Variants in ZZZ3 observed in about 807,000 individuals in gnomAD.
ZZZ3 encodes zinc finger ZZ-type containing 3, also known as ZZ-type zinc finger-containing protein 3.
In ZZZ3, 22 loss-of-function variants were observed where a neutral mutation model predicts 95.2. That is an observed-to-expected ratio of 0.23 (90% CI 0.17 to 0.33). The LOEUF is 0.33. ZZZ3 is among the 10% of genes least tolerant of loss of function. The probability of loss-of-function intolerance (pLI) is 1.00; values close to 1 mark genes in which losing one functional copy is unlikely to be tolerated. For missense variants in ZZZ3, 885 were observed against 1,066.5 expected (o/e 0.83, Z 2.37); for synonymous variants, 335 against 358.9 (o/e 0.93, Z 0.75).
intron 10 of ZZZ3, 120 bp from the exon 11 acceptor site, chr1:77,578,989 A>T (rs1557694069): frequency 2.2e-6 from 1 of 454,456 alleles, no homozygotes; most frequent in Non-Finnish European, 3.7e-6. Flanking sequence ...ACTCATCATG[A>T]ATCTAGAATT....
At chr1:77,616,204 T>C (rs533662408) in intron 5 of ZZZ3, among the ~76,000 whole-genome samples, 3 of 152,348 alleles carry the variant, frequency 2.0e-5, no homozygotes, top group South Asian at 4.1e-4. Context: ...ATTAGTGTTA[T>C]TGGCTTCATA....
chr1:77,644,486 A>G (rs1293543957), intron 1 of ZZZ3, among the ~76,000 whole-genome samples: 2 of 152,260 alleles, frequency 1.3e-5, no homozygotes, highest in African/African-American at 4.8e-5. Flanking sequence ...CCACATGTTC[A>G]GTGTCTTGGA....
At chr1:77,586,958 G>A (rs922705001) in intron 5 of ZZZ3, among the ~76,000 whole-genome samples, 6 of 152,072 alleles carry the variant, frequency 3.9e-5, no homozygotes, top group African/African-American at 1.4e-4. Flanking sequence ...AGCTGATCCA[G>A]GCATAAATCC....
intron 1 of ZZZ3, among the ~76,000 whole-genome samples, chr1:77,653,097 G>T (rs536292823): frequency 4.6e-5 from 7 of 152,266 alleles, no homozygotes; most frequent in African/African-American, 1.7e-4. Flanking sequence ...TGAGGCAAGA[G>T]GACTGCTTGA....
intron 1 of ZZZ3, among the ~76,000 whole-genome samples, chr1:77,646,451 G>GTGA (rs1669285618): frequency 1.3e-5 from 2 of 151,936 alleles, no homozygotes; most frequent in Non-Finnish European, 2.9e-5. Context: ...CTGAACTCCT[G>GTGA]GGCTCAAGTG....
chr1:77,569,422 G>A (rs1321880434), intron 12 of ZZZ3, among the ~76,000 whole-genome samples: 1 of 152,076 alleles, frequency 6.6e-6, no homozygotes, highest in Non-Finnish European at 1.5e-5. Flanking sequence ...TTATGATTCC[G>A]AACTTTTAGA....
chr1:77,607,974 A>C (rs1665421552), intron 5 of ZZZ3, among the ~76,000 whole-genome samples: 1 of 152,040 alleles, frequency 6.6e-6, no homozygotes, highest in African/African-American at 2.4e-5. Flanking sequence ...GGAAACAACA[A>C]CAAAAGAATA....
intron 11 of ZZZ3, 82 bp from the exon 12 acceptor site, chr1:77,576,302 C>G: frequency 8.8e-7 from 1 of 1,133,102 alleles, no homozygotes; most frequent in Admixed American, 2.6e-5. Context: ...AATGTTACTT[C>G]CAACAAGTCT....
intron 3 of ZZZ3, among the ~76,000 whole-genome samples, chr1:77,640,405 C>A (rs1668669331): frequency 6.6e-6 from 1 of 151,946 alleles, no homozygotes; most frequent in South Asian, 2.1e-4. Flanking sequence ...TCGAGACCAG[C>A]CTGGCCAACA....
chr1:77,631,954 T>C lies in ZZZ3; in HGVS notation c.1401A>G (p.Pro467=), dbSNP rs753612794. The C allele has an allele frequency of 3.7e-6, 6 of 1,614,128 alleles. No homozygotes were observed. Among genetic ancestry groups the C allele is most frequent in the Non-Finnish European group, 5.1e-6 (6 of 1,179,978 alleles). ...SEARLNIGHL[P]SAKESASQHI... ...GCTGACTGGCACTCTCTTTGGCAGA[T>C]GGCAAATGTCCAATATTGAGTCTTG... is the stretch of plus-strand genomic sequence containing the variant. Residue 467 remains proline, a synonymous_variant, in exon 5 of 15, where the codon CCA becomes CCG. Transcript: ENST00000370801.
intron 5 of ZZZ3, among the ~76,000 whole-genome samples, chr1:77,605,314 G>A (rs1665126459): frequency 6.6e-6 from 1 of 152,160 alleles, no homozygotes; most frequent in South Asian, 2.1e-4. Context: ...GCTAACGCCC[G>A]CTCACACCAG....
In ZZZ3 at chr1:77,631,910, T is replaced by A. The variant is rs1394072980; in HGVS notation, c.1445A>T (p.Asp482Val). The A allele has an allele frequency of 6.2e-7, 1 of 1,613,450 alleles. No individual in the cohort carries two copies. The highest frequency in any genetic ancestry group is 8.5e-7 in the Non-Finnish European group (1 of 1,179,650). Residue 482 changes from aspartate to valine, a missense_variant, in exon 5 of 15, where the codon GAT (aspartate) becomes GTT (valine). Asp to Val is a radical substitution (Grantham distance 152). Coordinates refer to ENST00000370801, the MANE Select transcript of ZZZ3 (RefSeq NM_015534.6). ...SASQHITEEE[D>V]DDPDVYYFES... Reference sequence around the variant, plus strand: ...AAAGTAATAAACATCAGGATCATCATCTTCCTCTTCTGTAATGTGCTGACT... The same window carrying A: ...AAAGTAATAAACATCAGGATCATCAACTTCCTCTTCTGTAATGTGCTGACT...
intron 1 of ZZZ3, among the ~76,000 whole-genome samples, chr1:77,655,509 C>T (rs114462431): frequency 6.6e-6 from 1 of 152,146 alleles, no homozygotes; most frequent in African/African-American, 2.4e-5. Context: ...ACTTAATCTG[C>T]CCTTGGACTT....
chr1:77,675,336 TA>T (rs1023086805), intron 1 of ZZZ3, among the ~76,000 whole-genome samples: 9 of 148,880 alleles, frequency 6.0e-5, no homozygotes, highest in Non-Finnish European at 1.3e-4. Context: ...TCTGACCAAT[TA>T]AAAAAAAAAC....
chr1:77,579,171 A>T (rs1662256756), intron 10 of ZZZ3, among the ~76,000 whole-genome samples: 1 of 152,204 alleles, frequency 6.6e-6, no homozygotes, highest in Admixed American at 6.5e-5. Flanking sequence ...TGAAGGAGTA[A>T]ACTGCAAGAT....
Position 77,631,878 on chromosome 1 carries a change from C to A in ZZZ3, c.1477G>T (p.Asp493Tyr). Residue 493 changes from aspartate to tyrosine, a missense_variant, in exon 5 of 15, where the codon GAT becomes TAT. Coordinates refer to ENST00000370801, the MANE Select transcript of ZZZ3 (RefSeq NM_015534.6). ...DDPDVYYFES[D>Y]HVALKHNKDY... ...TTGTTGTGTTTCAGTGCCACATGAT[C>A]TGATTCAAAGTAATAAACATCAGGA... The A allele has an allele frequency of 6.2e-7, 1 of 1,604,196 alleles. No homozygotes were observed. The highest frequency in any genetic ancestry group is 8.5e-7 in the Non-Finnish European group (1 of 1,174,462).
At chr1:77,645,315 A>T (rs1669159055) in intron 1 of ZZZ3, 1 of 152,236 alleles carries the variant, frequency 6.6e-6, no homozygotes, top group Non-Finnish European at 1.5e-5. Flanking sequence ...TTTAAAATAC[A>T]AATTTCTAGC....
chr1:77,610,270 A>C (rs543242099), intron 5 of ZZZ3, among the ~76,000 whole-genome samples: 1 of 152,148 alleles, frequency 6.6e-6, no homozygotes, highest in South Asian at 2.1e-4. Flanking sequence ...AGCCATGAAA[A>C]AATCCAAAAC....
At chr1:77,674,507 CAG>C (rs1323732791) in intron 1 of ZZZ3, among the ~76,000 whole-genome samples, 1 of 152,160 alleles carries the variant, frequency 6.6e-6, no homozygotes, top group Non-Finnish European at 1.5e-5. Context: ...GGAGTTCTGA[CAG>C]TGTTCTTCTT....
Sources: allele counts gnomAD v4.1 joint callset (sites outside exome capture counted in the v4.1 genomes callset), GRCh38; gene constraint gnomAD v4.1.1; transcripts MANE v1.5; gene names NCBI Gene and HGNC (gene_info 2026-07-23, HGNC 2026-07-21).